NREP: variants seen among roughly 807,000 people sequenced by gnomAD.
The protein encoded by NREP is neuronal regeneration-related protein.
A neutral mutation model predicts 8.6 loss-of-function variants in NREP; 5 were observed. The ratio of observed to expected loss-of-function variants is 0.58; its 90% CI spans 0.30 to 1.22. The LOEUF (loss-of-function observed/expected upper bound fraction) is 1.22. Ranked by LOEUF, NREP falls within the 50% of genes most tolerant of loss-of-function variation. NREP has a pLI of 0.07. For missense variants in NREP, 86 were observed against 82.5 expected, an observed-to-expected ratio of 1.04 and a Z score of -0.17; for synonymous variants, 27 against 28.0, an observed-to-expected ratio of 0.96 and a Z score of 0.11.
intron 2 of NREP, among the ~76,000 whole-genome samples, chr5:111,915,396 A>T (rs1330066139): frequency 6.6e-6 from 1 of 152,076 alleles, no homozygotes; most frequent in Non-Finnish European, 1.5e-5. Flanking sequence ...ACCTCTAGGG[A>T]ACCTGACCTA....
At chr5:111,731,987 T>A (rs1748632289) in intron 3 of NREP, 1 of 152,242 alleles carries the variant, frequency 6.6e-6, no homozygotes, top group South Asian at 2.1e-4. Flanking sequence ...ATGAACACAG[T>A]GAAGATTTGA....
At chr5:111,969,743 G>T (rs1423329053) in intron 2 of NREP, among the ~76,000 whole-genome samples, 1 of 152,158 alleles carries the variant, frequency 6.6e-6, no homozygotes, top group African/African-American at 2.4e-5. Context: ...TACATATACT[G>T]TAGGTTGGAC....
intron 2 of NREP, among the ~76,000 whole-genome samples, chr5:111,776,209 T>C (rs1478463733): frequency 6.6e-6 from 1 of 152,156 alleles, no homozygotes; most frequent in Admixed American, 6.6e-5. Context: ...TTCCTCTAGA[T>C]AAACTTGTAT....
At chr5:111,903,583 T>C (rs1281620989) in intron 2 of NREP, among the ~76,000 whole-genome samples, 3 of 152,146 alleles carry the variant, frequency 2.0e-5, no homozygotes, top group South Asian at 2.1e-4. Flanking sequence ...TAACCTGTTT[T>C]GTGAATATTA....
chr5:111,911,221 T>C (rs1013453738), intron 2 of NREP, among the ~76,000 whole-genome samples: 1 of 152,124 alleles, frequency 6.6e-6, no homozygotes, highest in African/African-American at 2.4e-5. Flanking sequence ...CCAATGTTCT[T>C]GATATCATAT....
chr5:111,971,632 C>G (rs1756821440), intron 2 of NREP, among the ~76,000 whole-genome samples: 1 of 152,110 alleles, frequency 6.6e-6, no homozygotes, highest in Admixed American at 6.6e-5. Flanking sequence ...GAAAGAACAG[C>G]CTCTTCAGTA....
chr5:111,745,625 G>C (rs1362496174), intron 2 of NREP, among the ~76,000 whole-genome samples: 1 of 152,082 alleles, frequency 6.6e-6, no homozygotes, highest in East Asian at 1.9e-4. Flanking sequence ...TTGAAATCCT[G>C]TTCACTATAA....
chr5:111,785,170 A>G (rs566806903), intron 2 of NREP, among the ~76,000 whole-genome samples: 1 of 152,330 alleles, frequency 6.6e-6, no homozygotes, highest in South Asian at 2.1e-4. Flanking sequence ...CCTTTAGCAT[A>G]GATTCTTTGG....
At chr5:111,963,250 C>T (rs373913424) in intron 2 of NREP, among the ~76,000 whole-genome samples, 5 of 152,356 alleles carry the variant, frequency 3.3e-5, no homozygotes, top group South Asian at 4.1e-4. Flanking sequence ...ATCTCATACT[C>T]GCTTGCTCAC....
chr5:111,790,623 C>G (rs181918), intron 2 of NREP, among the ~76,000 whole-genome samples: 1 of 151,736 alleles, frequency 6.6e-6, no homozygotes, highest in Non-Finnish European at 1.5e-5. Context: ...AAAGGTTTCG[C>G]CTATCCATGT....
intron 2 of NREP, among the ~76,000 whole-genome samples, chr5:111,923,008 T>C (rs1342591229): frequency 6.6e-6 from 1 of 152,220 alleles, no homozygotes; most frequent in Non-Finnish European, 1.5e-5. Context: ...TTACTGCTAC[T>C]TCTTCTGGAA....
intron 2 of NREP, among the ~76,000 whole-genome samples, chr5:111,908,982 T>G (rs1266437867): frequency 1.3e-5 from 2 of 152,070 alleles, no homozygotes. Flanking sequence ...TGATTCGTGA[T>G]GTTGAGCATT....
At chr5:111,757,232 G>GA (rs1581092241), upstream of NREP, 4 of 546,480 alleles carry the variant, frequency 7.3e-6, no homozygotes, top group East Asian at 2.0e-4. Context: ...GACAGATTGG[G>GA]GGGGGAGGGG....
chr5:111,931,680 A>G (rs1755541176), intron 2 of NREP, among the ~76,000 whole-genome samples: 1 of 152,142 alleles, frequency 6.6e-6, no homozygotes, highest in Non-Finnish European at 1.5e-5. Flanking sequence ...TAGATAACTA[A>G]AACAATTTCT....
chr5:111,891,603 T>C (rs775278544), intron 2 of NREP, among the ~76,000 whole-genome samples: 9 of 152,174 alleles, frequency 5.9e-5, no homozygotes, highest in Non-Finnish European at 1.3e-4. Context: ...TAAGAAAAGA[T>C]GTTTAATTGG....
At position 111,945,249 on chromosome 5, in the gene NREP, G is replaced by C. The variant is rs1446010925; in HGVS notation, c.135+30025C>G. Among the ~76,000 whole-genome samples, 4 of 152,016 alleles carry C rather than the reference G, an allele frequency of 2.6e-5. No homozygotes were observed. The East Asian group carries it at 7.7e-4, about 29-fold the overall frequency. ...TATCCTAGTTTTCAAGGCTCCATAT[G>C]AGTTGATCCTATTTGCTATAGTTTC... On this transcript the variant is annotated intron_variant, in intron 2 of 3. Coordinates refer to the NREP transcript ENST00000395634.
At chr5:111,791,966 G>T (rs1751759384) in intron 2 of NREP, among the ~76,000 whole-genome samples, 1 of 152,082 alleles carries the variant, frequency 6.6e-6, no homozygotes, top group South Asian at 2.1e-4. Flanking sequence ...ATTGTTATAG[G>T]CATTAAATGA....
At position 111,960,306 on chromosome 5, in the gene NREP, G is replaced by C. The variant is rs184696183; in HGVS notation, c.135+14968C>G. ...TTATTCCATACCTCAGCTGTCCCAA[G>C]TAGGTCAAAGTCATAGATTGATCCT... is the stretch of plus-strand genomic sequence containing the variant. On this transcript the variant is annotated intron_variant, in intron 2 of 3. Coordinates refer to the NREP transcript ENST00000395634. Among the ~76,000 whole-genome samples the C allele has an allele frequency of 2.6e-5, 4 of 152,198 alleles. No homozygotes were observed. In the East Asian group the frequency reaches 7.7e-4, roughly 29 times the overall value.
At chr5:111,764,481 A>C (rs1176735496) in intron 2 of NREP, among the ~76,000 whole-genome samples, 2 of 152,256 alleles carry the variant, frequency 1.3e-5, no homozygotes, top group East Asian at 3.9e-4. Flanking sequence ...GCAAAGAGAG[A>C]GCTTGTGCAT....
Sources: allele counts gnomAD v4.1 joint callset (sites outside exome capture counted in the v4.1 genomes callset), GRCh38; gene constraint gnomAD v4.1.1; transcripts MANE v1.5; gene names NCBI Gene and HGNC (gene_info 2026-07-23, HGNC 2026-07-21).